CADPS2: variants seen among roughly 807,000 people sequenced by gnomAD.
The protein encoded by CADPS2 is calcium-dependent secretion activator 2.
A neutral mutation model predicts 172.5 loss-of-function variants in CADPS2; 93 were observed. The observed-to-expected ratio is 0.54, with a 90% CI of 0.46 to 0.64. CADPS2 has a LOEUF of 0.64. Ranked by LOEUF, CADPS2 falls within the 30% of genes least tolerant of loss-of-function variation. The pLI is 0.00. For synonymous variants in CADPS2, 546 were observed against 555.2 expected, an observed-to-expected ratio of 0.98 and a Z score of 0.23; for missense variants, 1,420 against 1,565.9, an observed-to-expected ratio of 0.91 and a Z score of 1.57.
intron 1 of CADPS2, among the ~76,000 whole-genome samples, chr7:122,774,476 GAC>G (rs759946282): frequency 1.1e-4 from 16 of 152,098 alleles, no homozygotes; most frequent in Admixed American, 7.2e-4. Flanking sequence ...AGTTAGTTAA[GAC>G]AGTTTTCTAG....
chr7:122,840,663 C>T (rs1384352658), intron 1 of CADPS2, among the ~76,000 whole-genome samples: 2 of 151,812 alleles, frequency 1.3e-5, no homozygotes, highest in African/African-American at 4.8e-5. Flanking sequence ...CACCTGTAGT[C>T]CCAGGTACTC....
chr7:122,837,481 A>T (rs1190170546), intron 1 of CADPS2, among the ~76,000 whole-genome samples: 1 of 152,176 alleles, frequency 6.6e-6, no homozygotes, highest in East Asian at 1.9e-4. Flanking sequence ...AAAATCAGTG[A>T]ATCCAGGAAC....
At chr7:122,407,461 G>C in intron 20 of CADPS2, 79 bp downstream of exon 20, 2 of 1,425,566 alleles carry the variant, frequency 1.4e-6, no homozygotes, top group Non-Finnish European at 1.9e-6. Flanking sequence ...CGGTGTGAGG[G>C]CACAGTAAAA....
intron 9 of CADPS2, among the ~76,000 whole-genome samples, chr7:122,492,717 T>G (rs1376476632): frequency 1.3e-5 from 2 of 152,140 alleles, no homozygotes; most frequent in African/African-American, 4.8e-5. Context: ...TTTTCTTTTT[T>G]GAGACAGGTT....
intron 4 of CADPS2, among the ~76,000 whole-genome samples, chr7:122,623,445 A>G (rs2134036794): frequency 6.6e-6 from 1 of 152,310 alleles, no homozygotes; most frequent in South Asian, 2.1e-4. Flanking sequence ...AGGCCATCCA[A>G]TGATCATTTG....
At chr7:122,388,497 G>T in intron 23 of CADPS2, 86 bp downstream of exon 23, 1 of 1,294,416 alleles carries the variant, frequency 7.7e-7, no homozygotes, top group Non-Finnish European at 1.0e-6. Flanking sequence ...AACCTTTGCT[G>T]TGACAATAAT....
At chr7:122,578,818 A>G (rs989917438) in intron 7 of CADPS2, among the ~76,000 whole-genome samples, 1 of 152,160 alleles carries the variant, frequency 6.6e-6, no homozygotes, top group Non-Finnish European at 1.5e-5. Flanking sequence ...TTTATGTGAA[A>G]TGATGGTGCT....
chr7:122,386,292 TA>T (rs1563205765), intron 24 of CADPS2: 1 of 1,439,956 alleles, frequency 6.9e-7, no homozygotes, highest in Admixed American at 2.3e-5. Flanking sequence ...AAATGAGACT[TA>T]CCCATTGACT....
At chr7:122,821,661 G>A (rs924554746) in intron 1 of CADPS2, among the ~76,000 whole-genome samples, 1 of 152,128 alleles carries the variant, frequency 6.6e-6, no homozygotes, top group Non-Finnish European at 1.5e-5. Flanking sequence ...GATAACAGGT[G>A]AGCCTTTATT....
At chr7:122,554,834 A>C in intron 7 of CADPS2, 145 bp from the exon 8 acceptor site, 1 of 567,060 alleles carries the variant, frequency 1.8e-6, no homozygotes, top group Non-Finnish European at 2.9e-6. Context: ...CCCTACTACA[A>C]TAGCTGATGG....
chr7:122,739,697 T>C (rs1393135422), intron 1 of CADPS2, among the ~76,000 whole-genome samples: 2 of 152,164 alleles, frequency 1.3e-5, no homozygotes, highest in Non-Finnish European at 2.9e-5. Flanking sequence ...ATGAATACTT[T>C]ATTAGCATAA....
chr7:122,337,944 G>C (rs1260236274), intron 28 of CADPS2, among the ~76,000 whole-genome samples: 6 of 152,076 alleles, frequency 3.9e-5, no homozygotes, highest in Non-Finnish European at 8.8e-5. Context: ...ACAACAGCTG[G>C]AAAACAATGT....
chr7:122,446,068 A>G (rs2052150043), intron 15 of CADPS2, among the ~76,000 whole-genome samples: 1 of 152,194 alleles, frequency 6.6e-6, no homozygotes, highest in South Asian at 2.1e-4. Context: ...GGTAGAAAAC[A>G]TTCAGTCTTT....
chr7:122,354,308 A>G (rs1344022153), intron 27 of CADPS2: 1 of 152,122 alleles, frequency 6.6e-6, no homozygotes, highest in Non-Finnish European at 1.5e-5. Context: ...TAAGAGGTGT[A>G]ATTACATCTC....
At chr7:122,489,128 T>C (rs1314348500) in intron 11 of CADPS2, among the ~76,000 whole-genome samples, 1 of 152,142 alleles carries the variant, frequency 6.6e-6, no homozygotes, top group Non-Finnish European at 1.5e-5. Flanking sequence ...CCAAAATAAT[T>C]ACGATAATCT....
chr7:122,747,654 G>A (rs907240535), intron 1 of CADPS2, among the ~76,000 whole-genome samples: 2 of 152,114 alleles, frequency 1.3e-5, no homozygotes, highest in Non-Finnish European at 2.9e-5. Context: ...GAGAATTTAA[G>A]AAAGTTACCC....
At chr7:122,675,477 C>A (rs996426598) in intron 2 of CADPS2, among the ~76,000 whole-genome samples, 1 of 152,154 alleles carries the variant, frequency 6.6e-6, no homozygotes, top group Non-Finnish European at 1.5e-5. Context: ...TAAATGATAA[C>A]GTGTACTAAA....
At chr7:122,355,295 T>C (rs1030690185) in intron 27 of CADPS2, among the ~76,000 whole-genome samples, 4 of 152,190 alleles carry the variant, frequency 2.6e-5, no homozygotes, top group African/African-American at 4.8e-5. Context: ...TTTAAAAACA[T>C]TCCAGCCAGG....
intron 1 of CADPS2, among the ~76,000 whole-genome samples, chr7:122,802,172 G>A (rs2139976598): frequency 6.6e-6 from 1 of 152,008 alleles, no homozygotes; most frequent in South Asian, 2.1e-4. Flanking sequence ...TTCTATTTTG[G>A]AGGACTCTAT....
Sources: allele counts gnomAD v4.1 joint callset (sites outside exome capture counted in the v4.1 genomes callset), GRCh38; gene constraint gnomAD v4.1.1; transcripts MANE v1.5; gene names NCBI Gene and HGNC (gene_info 2026-07-23, HGNC 2026-07-21).